The following BRINP3 variants were observed in gnomAD, a reference collection of about 807,000 sequenced individuals.
BRINP3 encodes BMP/retinoic acid inducible neural specific 3.
A neutral mutation model predicts 71.0 loss-of-function variants in BRINP3; 19 were observed. The observed-to-expected ratio is 0.27, with a 90% confidence interval of 0.19 to 0.39. BRINP3 has a LOEUF of 0.39. Among genes scored for constraint, BRINP3 ranks in the 10% least tolerant of loss-of-function variants. BRINP3 has a pLI of 1.00. For synonymous variants in BRINP3, 380 were observed against 337.7 expected, an observed-to-expected ratio of 1.13 and a Z score of -1.37; for missense variants, 959 against 940.8, an observed-to-expected ratio of 1.02 and a Z score of -0.25.
intron 2 of BRINP3, among the ~76,000 whole-genome samples, chr1:190,346,373 T>C (rs932781815): frequency 7.2e-5 from 11 of 152,134 alleles, no homozygotes; most frequent in African/African-American, 2.2e-4. Context: ...GCTTTGTTAA[T>C]ATATAGTTAG....
chr1:190,283,155 T>C (rs954327368), intron 2 of BRINP3, among the ~76,000 whole-genome samples: 2 of 152,020 alleles, frequency 1.3e-5, no homozygotes, highest in African/African-American at 4.8e-5. Flanking sequence ...GACTTTGGCC[T>C]GAACATAAAT....
chr1:190,098,100 A>G lies in BRINP3; in HGVS notation c.2219T>C (p.Val740Ala). 1 of 1,614,162 alleles carries G rather than the reference A, an allele frequency of 6.2e-7. No individual in the cohort carries two copies. The highest frequency in any genetic ancestry group is 8.5e-7 in the Non-Finnish European group (1 of 1,180,036). ...HRLKLSTSEV[V>A]RIQSALQAFN... is the part of the protein sequence containing the mutation. ...CGCCTGCAGAGCAGATTGGATCCTC[A>G]CCACCTCACTAGTAGACAGCTTGAG... Residue 740 changes from valine (V) to alanine (A), a missense_variant, in exon 8 of 8, where the codon GTG becomes GCG. Coordinates refer to ENST00000367462, the MANE Select transcript of BRINP3 (RefSeq NM_199051.3).
At chr1:190,379,876 G>T (rs1670429115) in intron 2 of BRINP3, among the ~76,000 whole-genome samples, 1 of 151,382 alleles carries the variant, frequency 6.6e-6, no homozygotes, top group Non-Finnish European at 1.5e-5. Context: ...GTGTGCACCT[G>T]TAATTCCAGC....
chr1:190,229,625 A>G (rs1415137032), intron 5 of BRINP3, among the ~76,000 whole-genome samples: 1 of 147,684 alleles, frequency 6.8e-6, no homozygotes, highest in Non-Finnish European at 1.5e-5. Flanking sequence ...ACATACCCAG[A>G]GTAAAGAAAA....
chr1:190,432,693 T>C (rs1674180830), intron 2 of BRINP3, among the ~76,000 whole-genome samples: 1 of 152,208 alleles, frequency 6.6e-6, no homozygotes, highest in Admixed American at 6.5e-5. Flanking sequence ...AATAGAGGCA[T>C]GATCCTGTTT....
chr1:190,362,639 G>A (rs977026972), intron 2 of BRINP3, among the ~76,000 whole-genome samples: 11 of 152,120 alleles, frequency 7.2e-5, no homozygotes, highest in East Asian at 1.9e-4. Context: ...GGAGGAACCC[G>A]GTGGGAGATA....
intron 1 of BRINP3, among the ~76,000 whole-genome samples, chr1:190,458,051 G>A (rs1012485149): frequency 6.6e-6 from 1 of 151,970 alleles, no homozygotes; most frequent in Admixed American, 6.6e-5. Flanking sequence ...AAGATAGAAA[G>A]GTTTTCTTTA....
At chr1:190,312,038 T>TATAC in intron 2 of BRINP3, among the ~76,000 whole-genome samples, 1 of 82,070 alleles carries the variant, frequency 1.2e-5, no homozygotes, top group Non-Finnish European at 2.2e-5. Flanking sequence ...AAAAGTCAAA[T>TATAC]ATATATATAT....
intron 7 of BRINP3, among the ~76,000 whole-genome samples, chr1:190,106,179 C>A (rs1451322377): frequency 2.0e-5 from 3 of 151,728 alleles, no homozygotes; most frequent in Non-Finnish European, 4.4e-5. Context: ...TATTCACCCC[C>A]CCATAATATT....
chr1:190,148,971 A>C (rs777240909), intron 7 of BRINP3, among the ~76,000 whole-genome samples: 1 of 152,168 alleles, frequency 6.6e-6, no homozygotes, highest in Non-Finnish European at 1.5e-5. Flanking sequence ...AGATTGCCTG[A>C]GTTTGGACTC....
At chr1:190,396,412 C>T (rs1229268776) in intron 2 of BRINP3, among the ~76,000 whole-genome samples, 3 of 85,612 alleles carry the variant, frequency 3.5e-5, no homozygotes, top group Non-Finnish European at 5.1e-5. Flanking sequence ...GGCTCAATTC[C>T]TCATCTTTTC....
chr1:190,281,126 T>C (rs1051953783), intron 3 of BRINP3, among the ~76,000 whole-genome samples: 1 of 151,968 alleles, frequency 6.6e-6, no homozygotes, highest in African/African-American at 2.4e-5. Flanking sequence ...CCAGCTACAA[T>C]CTGTATCAAC....
At chr1:190,433,703 C>T (rs1313895382) in intron 2 of BRINP3, among the ~76,000 whole-genome samples, 1 of 152,278 alleles carries the variant, frequency 6.6e-6, no homozygotes, top group Middle Eastern at 3.4e-3. Context: ...TACCTCGTTC[C>T]ATTGTCTTCT....
intron 5 of BRINP3, among the ~76,000 whole-genome samples, chr1:190,230,290 T>TA (rs1657844223): frequency 6.6e-6 from 1 of 151,980 alleles, no homozygotes; most frequent in South Asian, 2.1e-4. Context: ...ATGAGGAACG[T>TA]AAAAAATTGT....
chr1:190,382,463 T>C (rs1329148866), intron 2 of BRINP3, among the ~76,000 whole-genome samples: 2 of 152,104 alleles, frequency 1.3e-5, no homozygotes, highest in Non-Finnish European at 2.9e-5. Context: ...TGCAAGAAGT[T>C]TAAAAAAAAT....
chr1:190,374,249 T>C (rs552712038), intron 2 of BRINP3, among the ~76,000 whole-genome samples: 83 of 152,222 alleles, frequency 5.5e-4, no homozygotes, highest in South Asian at 2.3e-3. Flanking sequence ...GAATCAATTG[T>C]ACATAACACA....
chr1:190,378,373 G>A (rs992489407), intron 2 of BRINP3, among the ~76,000 whole-genome samples: 1 of 152,166 alleles, frequency 6.6e-6, no homozygotes, highest in Non-Finnish European at 1.5e-5. Flanking sequence ...TGGAGCTACA[G>A]TAGCCCCTTT....
At chr1:190,393,206 T>C (rs1671359496) in intron 2 of BRINP3, among the ~76,000 whole-genome samples, 1 of 151,664 alleles carries the variant, frequency 6.6e-6, no homozygotes, top group Admixed American at 6.6e-5. Flanking sequence ...TGCATATGCA[T>C]GCATGTATTT....
rs372097565 is a variant in BRINP3 at position 190,226,247 on chromosome 1, T to G, written c.796A>C (p.Asn266His). Reference sequence around the variant, plus strand: ...TTGCAGATAAACTCTCCCTCTGAATTGCAAGCAATGTAGCTCAAAGCTGCT... The same window carrying G: ...TTGCAGATAAACTCTCCCTCTGAATGGCAAGCAATGTAGCTCAAAGCTGCT... ...VQAALSYIAC[N>H]SEGEFICKEN... Residue 266 changes from asparagine (N) to histidine (H), a missense_variant, in exon 6 of 8, where the codon AAT becomes CAT. By Grantham distance (68) the Asn-to-His change is moderately conservative. Coordinates refer to ENST00000367462, the MANE Select transcript of BRINP3 (RefSeq NM_199051.3). 7 of 1,612,284 alleles carry G rather than the reference T, an allele frequency of 4.3e-6. No homozygotes were observed. The highest frequency in any genetic ancestry group is 1.7e-5 in the Admixed American group (1 of 59,746).
Sources: gnomAD v4.1 joint callset for allele counts (sites outside exome capture counted in the v4.1 genomes callset) on GRCh38, gnomAD v4.1.1 for gene constraint, MANE v1.5 for transcripts, NCBI Gene and HGNC (gene_info 2026-07-23, HGNC 2026-07-21) for gene names.